Variants in NAV3 observed in about 807,000 individuals in gnomAD.
The protein encoded by NAV3 is neuron navigator 3, also known as pore membrane and/or filament interacting like protein 1.
A neutral mutation model predicts 244.7 loss-of-function variants in NAV3; 87 were observed. That is an observed-to-expected ratio of 0.36 (90% CI 0.30 to 0.42). NAV3 has a LOEUF of 0.42. Ranked by LOEUF, NAV3 falls within the 20% of genes least tolerant of loss-of-function variation. The probability of loss-of-function intolerance (pLI) is 1.00; values close to 1 mark genes in which losing one functional copy is unlikely to be tolerated. For missense variants in NAV3, 2,663 were observed against 2,893.3 expected (o/e 0.92, Z 1.83); for synonymous variants, 1,126 against 1,042.2 (o/e 1.08, Z -1.55).
At chr12:77,768,760 A>G (rs994257577) in intron 2 of NAV3, among the ~76,000 whole-genome samples, 3 of 152,318 alleles carry the variant, frequency 2.0e-5, no homozygotes, top group Admixed American at 6.5e-5. Flanking sequence ...CTGCCCTGCA[A>G]TCTCAGAATG....
At chr12:77,828,296 C>A (rs1218041819), upstream of NAV3, among the ~76,000 whole-genome samples, 2 of 152,146 alleles carry the variant, frequency 1.3e-5, no homozygotes, top group African/African-American at 4.8e-5. Flanking sequence ...AGAAGACCCT[C>A]ACCACATATG....
intron 1 of NAV3, among the ~76,000 whole-genome samples, chr12:77,868,142 G>A: frequency 6.6e-6 from 1 of 152,128 alleles, no homozygotes; most frequent in Non-Finnish European, 1.5e-5. Context: ...TGAGAATACA[G>A]GAGCAGCTTA....
intron 1 of NAV3, among the ~76,000 whole-genome samples, chr12:77,889,456 C>T (rs143103629): frequency 1.4e-3 from 215 of 152,206 alleles, no homozygotes; most frequent in African/African-American, 4.7e-3. Context: ...CTGTTTCTCT[C>T]GCAAACCATG....
intron 1 of NAV3, among the ~76,000 whole-genome samples, chr12:77,854,619 G>A (rs1390885588): frequency 6.6e-6 from 1 of 151,968 alleles, no homozygotes; most frequent in Non-Finnish European, 1.5e-5. Flanking sequence ...GTGTGTGTGT[G>A]TTAAAATTAT....
intron 12 of NAV3, among the ~76,000 whole-genome samples, chr12:78,111,930 A>G (rs542044096): frequency 6.6e-6 from 1 of 152,318 alleles, no homozygotes; most frequent in East Asian, 1.9e-4. Flanking sequence ...AAAGAAATAT[A>G]TATTTCTAAA....
intron 23 of NAV3, among the ~76,000 whole-genome samples, chr12:78,165,215 G>C (rs1443929694): frequency 1.3e-5 from 2 of 151,894 alleles, no homozygotes; most frequent in Non-Finnish European, 2.9e-5. Flanking sequence ...ATCTTAGTTT[G>C]GTTCTCAGGT....
intron 3 of NAV3, among the ~76,000 whole-genome samples, chr12:77,944,867 T>C (rs531989241): frequency 1.8e-4 from 27 of 152,272 alleles, no homozygotes; most frequent in Admixed American, 8.5e-4. Flanking sequence ...GAAGCTCTAA[T>C]ACGTGGACTA....
At chr12:77,782,891 TC>T (rs1870734888) in intron 2 of NAV3, among the ~76,000 whole-genome samples, 2 of 152,168 alleles carry the variant, frequency 1.3e-5, no homozygotes, top group Non-Finnish European at 2.9e-5. Context: ...ATCTTTCCCT[TC>T]CTCTTAGTGT....
At chr12:78,027,708 A>C (rs1253555831) in intron 9 of NAV3, among the ~76,000 whole-genome samples, 1 of 152,200 alleles carries the variant, frequency 6.6e-6, no homozygotes, top group Non-Finnish European at 1.5e-5. Flanking sequence ...TTTTCCATGC[A>C]CACCCACAAA....
intron 2 of NAV3, among the ~76,000 whole-genome samples, chr12:77,792,058 C>T (rs561172108): frequency 1.3e-5 from 2 of 152,336 alleles, no homozygotes; most frequent in South Asian, 4.1e-4. Context: ...TACAAGGCAT[C>T]TTTAAGTCTT....
intron 2 of NAV3, among the ~76,000 whole-genome samples, chr12:77,592,701 A>G (rs891143963): frequency 1.3e-5 from 2 of 152,148 alleles, no homozygotes; most frequent in African/African-American, 4.8e-5. Context: ...ACGTACGCTA[A>G]ATTGCTAAAT....
chr12:78,061,311 G>T lies in NAV3; in HGVS notation c.2636+2196G>T, dbSNP rs1884290289. 3.3e-5 allele frequency among the ~76,000 whole-genome samples: 5 copies of T among 152,262 alleles called. No homozygotes were observed. In the South Asian group the frequency reaches 8.3e-4, roughly 25 times the overall value. On this transcript the variant is annotated intron_variant, in intron 12 of 39. Coordinates refer to ENST00000397909, the MANE Select transcript of NAV3 (RefSeq NM_001024383.2). Reference sequence around the variant, plus strand: ...TCAACATTAAAAATGACATTTCATAGTTCTTATTTACCCTATTAGCTGTGT... The same window carrying T: ...TCAACATTAAAAATGACATTTCATATTTCTTATTTACCCTATTAGCTGTGT...
chr12:77,601,052 T>C (rs145842299), intron 2 of NAV3, among the ~76,000 whole-genome samples: 2 of 152,164 alleles, frequency 1.3e-5, no homozygotes, highest in Non-Finnish European at 2.9e-5. Flanking sequence ...ATTTCCTTAC[T>C]GAAATTGTAA....
At chr12:77,674,062 T>G in intron 2 of NAV3, among the ~76,000 whole-genome samples, 1 of 152,198 alleles carries the variant, frequency 6.6e-6, no homozygotes, top group East Asian at 1.9e-4. Flanking sequence ...CTTAAAATAC[T>G]ATTAAGAATA....
chr12:77,928,698 A>G (rs1330908589), intron 1 of NAV3, among the ~76,000 whole-genome samples: 1 of 152,164 alleles, frequency 6.6e-6, no homozygotes, highest in Non-Finnish European at 1.5e-5. Flanking sequence ...AGCATAGTAA[A>G]TCCTACCCTT....
At chr12:77,778,339 G>A (rs890212378) in intron 2 of NAV3, among the ~76,000 whole-genome samples, 1 of 151,106 alleles carries the variant, frequency 6.6e-6, no homozygotes, top group Non-Finnish European at 1.5e-5. Flanking sequence ...TAGGCCGGGC[G>A]CGGTGGCTCA....
intron 2 of NAV3, among the ~76,000 whole-genome samples, chr12:77,696,260 A>G (rs529519851): frequency 4.6e-5 from 7 of 152,102 alleles, no homozygotes; most frequent in Non-Finnish European, 4.4e-5. Flanking sequence ...ACAGTATGCT[A>G]TTTCTATGAT....
At chr12:77,876,110 T>C (rs1881813226) in intron 1 of NAV3, among the ~76,000 whole-genome samples, 1 of 152,146 alleles carries the variant, frequency 6.6e-6, no homozygotes, top group South Asian at 2.1e-4. Flanking sequence ...TTTATAGCCA[T>C]GATTTTATGT....
intron 39 of NAV3, 122 bp downstream of exon 39, chr12:78,205,260 C>A: frequency 9.4e-7 from 1 of 1,063,274 alleles, no homozygotes; most frequent in East Asian, 2.6e-5. Context: ...AGTTTTAACC[C>A]TATTATCTTT....
Sources: gnomAD v4.1 joint callset for allele counts (sites outside exome capture counted in the v4.1 genomes callset) on GRCh38, gnomAD v4.1.1 for gene constraint, MANE v1.5 for transcripts, NCBI Gene and HGNC (gene_info 2026-07-23, HGNC 2026-07-21) for gene names.